The following HPCAL1 variants were observed in gnomAD, a reference collection of about 807,000 sequenced individuals.
HPCAL1 encodes hippocalcin-like protein 1.
HPCAL1 carries 8 observed loss-of-function variants against 17.1 expected under a neutral mutation model. The ratio of observed to expected loss-of-function variants is 0.47; its 90% CI spans 0.27 to 0.84. HPCAL1 has a LOEUF of 0.84. HPCAL1 is among the 40% of genes least tolerant of loss of function. The probability of loss-of-function intolerance (pLI) is 0.13; values close to 1 mark genes in which losing one functional copy is unlikely to be tolerated. For missense variants in HPCAL1, 165 were observed against 271.1 expected (o/e 0.61, Z 2.75); for synonymous variants, 112 against 111.4 (o/e 1.01, Z -0.03).
At chr2:10,375,446 T>C (rs1436477342) in intron 1 of HPCAL1, among the ~76,000 whole-genome samples, 1 of 151,922 alleles carries the variant, frequency 6.6e-6, no homozygotes, top group Non-Finnish European at 1.5e-5. Flanking sequence ...ATCAGAGCCG[T>C]GGGGGAGGGG....
chr2:10,420,231 T>TTA (rs1421026761), intron 3 of HPCAL1, 96 bp downstream of exon 3: 1 of 1,056,174 alleles, frequency 9.5e-7, no homozygotes, highest in South Asian at 1.7e-5. Context: ...TTTTTTTTTT[T>TTA]AAGACAGGAA....
chr2:10,322,888 A>G (rs1037169408), intron 1 of HPCAL1, among the ~76,000 whole-genome samples: 3 of 152,212 alleles, frequency 2.0e-5, no homozygotes, highest in African/African-American at 7.2e-5. Context: ...TGTTGTTTGC[A>G]GCCAAATGCA....
intron 1 of HPCAL1, among the ~76,000 whole-genome samples, chr2:10,371,501 G>A (rs1007486490): frequency 6.6e-6 from 1 of 152,130 alleles, no homozygotes; most frequent in Non-Finnish European, 1.5e-5. Flanking sequence ...CCCCACCTTG[G>A]CTGTGACCTG....
Position 10,419,649 on chromosome 2 carries a change from T to A in HPCAL1, c.-24-85T>A. On this transcript the variant is annotated intron_variant, in intron 2 of 4. Transcript: ENST00000307845. This position sits in a 1 kb window ranked among gnomAD's most constrained non-coding sequence, Gnocchi z 5.0. ...CTGAGTCGCAGCGCTTGCACAGCGA[T>A]GGGCTTATTTGGTCTCTCCGGCACA... 1 of 1,344,568 alleles carries A rather than the reference T, an allele frequency of 7.4e-7. No individual in the cohort carries two copies. The highest frequency in any genetic ancestry group is 1.4e-5 in the South Asian group (1 of 69,028). The allele number at this position is 1,344,568 out of a possible 1,614,324, so 83.3% of individuals were successfully genotyped here. A position where few individuals can be genotyped will look rare whatever the true frequency, so the allele number is the denominator to read the frequency against.
intron 1 of HPCAL1, among the ~76,000 whole-genome samples, chr2:10,306,867 G>A (rs547440380): frequency 3.3e-5 from 5 of 152,098 alleles, no homozygotes; most frequent in Non-Finnish European, 5.9e-5. Context: ...GAGGCATGAC[G>A]AACTAAAGAA....
chr2:10,426,692 T>A (rs1244086794), intron 4 of HPCAL1, 32 bp from the exon 5 acceptor site: 3 of 1,552,236 alleles, frequency 1.9e-6, no homozygotes, highest in Non-Finnish European at 2.7e-6. Flanking sequence ...CAGTGAGCAC[T>A]GGCTAATCCC....
intron 1 of HPCAL1, among the ~76,000 whole-genome samples, chr2:10,311,419 T>C (rs1662952681): frequency 6.6e-6 from 1 of 152,208 alleles, no homozygotes; most frequent in African/African-American, 2.4e-5. Context: ...TTTATTCTTA[T>C]TTCTTAGGAG....
intron 1 of HPCAL1, among the ~76,000 whole-genome samples, chr2:10,345,970 A>G (rs1287050274): frequency 6.6e-6 from 1 of 152,196 alleles, no homozygotes; most frequent in Non-Finnish European, 1.5e-5. Flanking sequence ...GATCCAAACC[A>G]GGAAGAACAA....
intron 1 of HPCAL1, among the ~76,000 whole-genome samples, chr2:10,390,426 G>T (rs576675248): frequency 1.4e-4 from 22 of 152,122 alleles, no homozygotes; most frequent in South Asian, 1.0e-3. Flanking sequence ...TCACCCGGAG[G>T]CCACAGTGGA....
rs1666403573 is a variant in HPCAL1, at chr2:10,359,698, C to A, written c.-110-37137C>A. Among the ~76,000 whole-genome samples the A allele has an allele frequency of 6.6e-6, 1 of 152,244 alleles. No individual in the cohort carries two copies. The highest frequency in any genetic ancestry group is 2.4e-5 in the African/African-American group (1 of 41,464). ...CACCTCCAAATGCAGGCAGACCACA[C>A]TCCCTGAAGGGCAGTGGCAAGGCCA... On this transcript the variant is annotated intron_variant, in intron 1 of 4. Coordinates refer to ENST00000307845, the MANE Select transcript of HPCAL1 (RefSeq NM_002149.4). This position sits in a 1 kb window ranked among gnomAD's most constrained non-coding sequence, Gnocchi z 4.1.
intron 2 of HPCAL1, among the ~76,000 whole-genome samples, chr2:10,411,324 C>G (rs1260950086): frequency 6.6e-6 from 1 of 152,126 alleles, no homozygotes; most frequent in African/African-American, 2.4e-5. Flanking sequence ...GTCCACAGCC[C>G]ACCACCCCAC....
At chr2:10,305,664 C>A (rs1035647765) in intron 1 of HPCAL1, among the ~76,000 whole-genome samples, 7 of 152,230 alleles carry the variant, frequency 4.6e-5, no homozygotes, top group African/African-American at 1.7e-4. Context: ...CCCAGAAGAA[C>A]AGAGATTTGC....
At chr2:10,324,770 T>C (rs1039583843) in intron 1 of HPCAL1, among the ~76,000 whole-genome samples, 3 of 151,254 alleles carry the variant, frequency 2.0e-5, no homozygotes, top group Non-Finnish European at 2.9e-5. Context: ...GGGGTTGTTA[T>C]TGGTTTTTAC....
At chr2:10,398,893 C>T (rs1403510356) in intron 2 of HPCAL1, among the ~76,000 whole-genome samples, 4 of 152,080 alleles carry the variant, frequency 2.6e-5, no homozygotes, top group Non-Finnish European at 5.9e-5. Context: ...ATAGACACAA[C>T]TGCATGTGAA....
At chr2:10,348,380 C>T (rs143726555) in intron 1 of HPCAL1, among the ~76,000 whole-genome samples, 549 of 152,088 alleles carry the variant, frequency 3.6e-3, no homozygotes, top group Non-Finnish European at 4.1e-3. Context: ...ACTCAAGAGG[C>T]GGAGGTTGCA....
rs1337912982 is a variant in HPCAL1 at position 10,359,882 on chromosome 2, G to GC, written c.-110-36951dup. Reference sequence around the variant, plus strand: ...CTTCCACACTCTGAACCTGCCTCCTGCCTCCTTCCACAGTGCCCGCCGGGT... The same window carrying GC: ...CTTCCACACTCTGAACCTGCCTCCTGCCCTCCTTCCACAGTGCCCGCCGGGT... On this transcript the variant is annotated intron_variant, in intron 1 of 4. Transcript: ENST00000307845. The surrounding 1 kb of genome is among the most constrained non-coding windows in gnomAD (Gnocchi z 4.1). 6.6e-6 allele frequency among the ~76,000 whole-genome samples: 1 copy of GC among 151,514 alleles called. No individual in the cohort carries two copies. The highest frequency in any genetic ancestry group is 1.5e-5 in the Non-Finnish European group (1 of 67,984).
intron 1 of HPCAL1, among the ~76,000 whole-genome samples, chr2:10,314,312 A>G (rs1334300545): frequency 6.6e-6 from 1 of 152,062 alleles, no homozygotes; most frequent in Non-Finnish European, 1.5e-5. Context: ...GGTGGCAGGA[A>G]GATATTAAGG....
At chr2:10,373,689 C>T (rs980287217) in intron 1 of HPCAL1, among the ~76,000 whole-genome samples, 2 of 152,084 alleles carry the variant, frequency 1.3e-5, no homozygotes, top group Non-Finnish European at 2.9e-5. Flanking sequence ...CGAGCAGCTG[C>T]CCCCTCTCAC....
chr2:10,418,446 C>CAAA (rs58884767), intron 2 of HPCAL1, among the ~76,000 whole-genome samples: 463 of 57,434 alleles, frequency 8.1e-3, no homozygotes, highest in Non-Finnish European at 0.011. Context: ...GACTCCATCT[C>CAAA]AAAAAAAAAA....
Sources: allele counts gnomAD v4.1 joint callset (sites outside exome capture counted in the v4.1 genomes callset), GRCh38; gene constraint gnomAD v4.1.1; non-coding constraint Gnocchi (gnomAD v3.1); transcripts MANE v1.5; gene names NCBI Gene and HGNC (gene_info 2026-07-23, HGNC 2026-07-21).